LZTS1: variants seen among roughly 807,000 people sequenced by gnomAD.
The protein encoded by LZTS1 is leucine zipper putative tumor suppressor 1.
Under a neutral mutation model 45.8 loss-of-function variants are expected in LZTS1, and 31 were observed. The ratio of observed to expected loss-of-function variants is 0.68; its 90% confidence interval spans 0.51 to 0.91. The LOEUF (loss-of-function observed/expected upper bound fraction) is 0.91. Ranked by LOEUF, LZTS1 falls within the 40% of genes least tolerant of loss-of-function variation. The pLI is 0.00. For synonymous variants in LZTS1, 359 were observed against 357.3 expected (o/e 1.00, Z -0.05); for missense variants, 821 against 788.9 (o/e 1.04, Z -0.49).
chr8:20,273,952 C>T (rs916647047), intron 1 of LZTS1, among the ~76,000 whole-genome samples: 8 of 151,962 alleles, frequency 5.3e-5, no homozygotes, highest in African/African-American at 1.9e-4. Flanking sequence ...GCCCTCTATT[C>T]TGAGACTGGA....
chr8:20,268,757 TG>T (rs1324042224), intron 1 of LZTS1, among the ~76,000 whole-genome samples: 1 of 139,992 alleles, frequency 7.1e-6, no homozygotes, highest in Non-Finnish European at 1.6e-5. Context: ...GCTGAGGTGC[TG>T]GGGGGAGAGG....
intron 1 of LZTS1, among the ~76,000 whole-genome samples, chr8:20,277,123 A>G (rs941955023): frequency 6.6e-6 from 1 of 152,252 alleles, no homozygotes; most frequent in African/African-American, 2.4e-5. Flanking sequence ...GTGGTAAAGA[A>G]GCAGGCCAAA....
At chr8:20,286,926 C>A (rs902982080) in intron 1 of LZTS1, among the ~76,000 whole-genome samples, 4 of 152,086 alleles carry the variant, frequency 2.6e-5, no homozygotes, top group African/African-American at 9.7e-5. Flanking sequence ...GGATGGGGAG[C>A]AGCAGGGATT....
intron 1 of LZTS1, among the ~76,000 whole-genome samples, chr8:20,272,224 G>C (rs1039780396): frequency 3.9e-5 from 6 of 152,214 alleles, no homozygotes; most frequent in Middle Eastern, 3.4e-3. Context: ...ACTATTTCAG[G>C]CTAGAATGAC....
rs1799835711 is a variant in LZTS1, at chr8:20,249,817, G to T, written c.1696C>A (p.Gln566Lys). ...CCGGCGCTGTCCCCACGTGCCAGCT[G>T]CTGCAGGGCCTTCTCCAGGCGCTGG... ...RNQRLEKALQ[Q>K]LARGDSAGEP... The change falls in exon 4 of 4, where the codon CAG becomes AAG. Residue 566 changes from glutamine to lysine, a missense_variant. Transcript: ENST00000381569. 6.2e-7 allele frequency: 1 copy of T among 1,614,058 alleles called. No individual in the cohort carries two copies. Among genetic ancestry groups the T allele is most frequent in the African/African-American group, 1.3e-5 (1 of 74,954 alleles).
chr8:20,249,600 TG>T lies in LZTS1; in HGVS notation c.*121del. 2 of 1,272,740 alleles carry T rather than the reference TG, an allele frequency of 1.6e-6. No homozygotes were observed. Among genetic ancestry groups the T allele is most frequent in the Non-Finnish European group, 2.1e-6 (2 of 936,286 alleles). The allele number at this position is 1,272,740 out of a possible 1,614,324, so 78.8% of individuals were successfully genotyped here. On this transcript the variant is annotated 3_prime_UTR_variant, in exon 4 of 4. Transcript: ENST00000381569. ...CATCCTGCCCTCCCCTCGGGGGTCCTGGGTCTGTGTCCCAGGGAGTGGCGTC... is the reference window on the plus strand; with the variant it reads ...CATCCTGCCCTCCCCTCGGGGGTCCTGGTCTGTGTCCCAGGGAGTGGCGTC...
Position 20,253,045 on chromosome 8 carries a change from C to G in LZTS1, c.886G>C (p.Glu296Gln). 1 of 1,605,244 alleles carries G rather than the reference C, an allele frequency of 6.2e-7. No homozygotes were observed. Among genetic ancestry groups the G allele is most frequent in the Non-Finnish European group, 8.5e-7 (1 of 1,177,610 alleles). Residue 296 changes from glutamate (E) to glutamine (Q), a missense_variant, in exon 3 of 4, where the codon GAG becomes CAG. Physicochemically the swap from Glu to Gln is conservative, Grantham distance 29. Transcript: ENST00000381569. ...TCCCTGCAGCGCCGCGGCCGCTCCT[C>G]GTAGGCCAGGCTGGAGGCAAGCTCC... ...EKELASSLAY[E>Q]ERPRRCRDEL... is the part of the protein sequence containing the mutation.
At chr8:20,250,862 G>C (rs1799876551) in intron 3 of LZTS1, among the ~76,000 whole-genome samples, 1 of 151,930 alleles carries the variant, frequency 6.6e-6, no homozygotes, top group Admixed American at 6.6e-5. Flanking sequence ...GCCTCCCAAA[G>C]TGCTGGGATT....
intron 2 of LZTS1, 36 bp from the exon 3 acceptor site, chr8:20,253,621 C>A (rs756543463): frequency 1.4e-6 from 2 of 1,411,816 alleles, no homozygotes; most frequent in Non-Finnish European, 1.9e-6. Flanking sequence ...CTCATGCCTC[C>A]CCTGCGCGCG....
chr8:20,302,940 CG>C (rs1386643088), intron 1 of LZTS1, among the ~76,000 whole-genome samples: 2 of 152,084 alleles, frequency 1.3e-5, no homozygotes, highest in Non-Finnish European at 2.9e-5. Context: ...CTTGGTGTCT[CG>C]GGGATGCCTG....
At chr8:20,256,507 TGTG>T (rs1469709006) in intron 1 of LZTS1, among the ~76,000 whole-genome samples, 1 of 151,982 alleles carries the variant, frequency 6.6e-6, no homozygotes, top group Non-Finnish European at 1.5e-5. Flanking sequence ...TGGATTTAGA[TGTG>T]GTGGTGGCTC....
At chr8:20,287,866 C>A (rs978486911) in intron 1 of LZTS1, among the ~76,000 whole-genome samples, 1 of 121,558 alleles carries the variant, frequency 8.2e-6, no homozygotes, top group Non-Finnish European at 1.6e-5. Context: ...GTAGAGGTTG[C>A]AGTAAGCTAA....
chr8:20,253,297 T>G lies in LZTS1; in HGVS notation c.634A>C (p.Asn212His), dbSNP rs752537123. ...TGGAGGACGATGCCCTGGGTGATGT[T>G]GTGGGCGGAGCCCCCAAAACGGCTT... ...PTSRFGGSAH[N>H]ITQGIVLQDS... Residue 212 changes from asparagine (N) to histidine (H), a missense_variant, in exon 3 of 4, where the codon AAC becomes CAC. Asn to His is a moderately conservative substitution (Grantham distance 68, BLOSUM62 1). Coordinates refer to ENST00000381569, the MANE Select transcript of LZTS1 (RefSeq NM_021020.5). The G allele has an allele frequency of 1.2e-6, 2 of 1,614,106 alleles. No individual in the cohort carries two copies. The highest frequency in any genetic ancestry group is 2.2e-5 in the South Asian group (2 of 91,090).
At chr8:20,302,558 G>A (rs1309280699) in intron 1 of LZTS1, among the ~76,000 whole-genome samples, 1 of 152,122 alleles carries the variant, frequency 6.6e-6, no homozygotes, top group African/African-American at 2.4e-5. Context: ...ATCTCTTTGT[G>A]GCTGGGCTCC....
rs895847518 is a variant in LZTS1, at chr8:20,246,664, T to A, written c.*3058A>T. On this transcript the variant is annotated 3_prime_UTR_variant, in exon 4 of 4. Transcript: ENST00000381569. ...CCAGTCCCATGTGAGCTCAGTGCTA[T>A]AGGGGCTGTGTGTGCCTGGCAGGAG... is the stretch of plus-strand genomic sequence containing the variant. 3 of 152,274 alleles carry A rather than the reference T, an allele frequency of 2.0e-5. No homozygotes were observed. The highest frequency in any genetic ancestry group is 2.9e-5 in the Non-Finnish European group (2 of 68,172). 9.4% of individuals were successfully genotyped at this position (152,274 alleles called of 1,614,324 possible).
chr8:20,252,949 G>C lies in LZTS1; in HGVS notation c.982C>G (p.Gln328Glu). Residue 328 changes from glutamine to glutamate, a missense_variant, in exon 3 of 4, where the codon CAG (glutamine) becomes GAG (glutamate). Physicochemically the swap from Gln to Glu is conservative, Grantham distance 29 (BLOSUM62 2). Coordinates refer to ENST00000381569, the MANE Select transcript of LZTS1 (RefSeq NM_021020.5). ...AGTACCTGCAGGTGCAGGACCTGCT[G>C]CGCGCGCTGGCTCTTCTGCGAGGCC... ...KQASQKSQRA[Q>E]QVLHLQVLQL... 1.9e-6 allele frequency: 3 copies of C among 1,594,136 alleles called. No homozygotes were observed. The highest frequency in any genetic ancestry group is 2.7e-5 in the African/African-American group (2 of 74,366).
In LZTS1 at chr8:20,250,192, G is replaced by T; in HGVS notation, c.1321C>A (p.Arg441Ser). Reference sequence around the variant, plus strand: ...ACCTCCAGCTCCAGGCCCTTGGTGCGCAGGGCGCCCTCCAGGTCCTGGGTC... The same window carrying T: ...ACCTCCAGCTCCAGGCCCTTGGTGCTCAGGGCGCCCTCCAGGTCCTGGGTC... ...LRTQDLEGAL[R>S]TKGLELEVCE... The change falls in exon 4 of 4, where the codon CGC becomes AGC. Residue 441 changes from arginine to serine, a missense_variant. Arg to Ser is a moderately radical substitution (Grantham distance 110, BLOSUM62 -1). Transcript: ENST00000381569. The T allele has an allele frequency of 6.2e-7, 1 of 1,610,062 alleles. No homozygotes were observed. Among genetic ancestry groups the T allele is most frequent in the Non-Finnish European group, 8.5e-7 (1 of 1,179,210 alleles).
At chr8:20,297,559 C>T (rs1307792553) in intron 1 of LZTS1, among the ~76,000 whole-genome samples, 4 of 152,248 alleles carry the variant, frequency 2.6e-5, no homozygotes, top group South Asian at 4.2e-4. Flanking sequence ...GGACTACAGG[C>T]GTGCACCACC....
At chr8:20,297,850 C>A (rs1214289262) in intron 1 of LZTS1, among the ~76,000 whole-genome samples, 6 of 152,104 alleles carry the variant, frequency 3.9e-5, no homozygotes, top group Non-Finnish European at 7.4e-5. Context: ...ACAATAAATA[C>A]AAAAGTAACT....
Sources: allele counts gnomAD v4.1 joint callset (sites outside exome capture counted in the v4.1 genomes callset), GRCh38; gene constraint gnomAD v4.1.1; transcripts MANE v1.5; gene names NCBI Gene and HGNC (gene_info 2026-07-23, HGNC 2026-07-21).